SCHIP1: variants seen among roughly 807,000 people sequenced by gnomAD.
The protein encoded by SCHIP1 is schwannomin interacting protein 1.
A neutral mutation model predicts 29.7 loss-of-function variants in SCHIP1; 8 were observed. That is an observed-to-expected ratio of 0.27 (90% CI 0.16 to 0.49). The LOEUF is 0.49. Among genes scored for constraint, SCHIP1 ranks in the 20% least tolerant of loss-of-function variants. SCHIP1 has a pLI of 0.99. For synonymous variants in SCHIP1, 76 were observed against 94.9 expected (o/e 0.80, Z 1.16); for missense variants, 193 against 294.6 (o/e 0.66, Z 2.52).
At chr3:159,309,172 A>G in the SCHIP1 span, 1 of 234,894 alleles carries the variant, frequency 4.3e-6, no homozygotes, top group African/African-American at 2.3e-5. Flanking sequence ...TAATGGACAA[A>G]ATAACATAAA....
chr3:159,377,454 G>A, the SCHIP1 span, among the ~76,000 whole-genome samples: 19 of 152,272 alleles, frequency 1.2e-4, no homozygotes, highest in Admixed American at 9.8e-4. Context: ...CCTATGTCCC[G>A]CACGTGGAAA....
At chr3:159,513,885 G>A in the SCHIP1 span, among the ~76,000 whole-genome samples, 2 of 152,150 alleles carry the variant, frequency 1.3e-5, no homozygotes, top group Non-Finnish European at 2.9e-5. Flanking sequence ...CTTGCCACTA[G>A]TGCAATGTTC....
the SCHIP1 span, among the ~76,000 whole-genome samples, chr3:159,587,792 A>G: frequency 1.3e-5 from 2 of 152,210 alleles, no homozygotes; most frequent in Non-Finnish European, 2.9e-5. Flanking sequence ...TACAAAGGAC[A>G]TGAACTCATC....
chr3:159,514,718 CT>C, the SCHIP1 span, among the ~76,000 whole-genome samples: 1 of 152,198 alleles, frequency 6.6e-6, no homozygotes, highest in South Asian at 2.1e-4. Flanking sequence ...TAATTGGAAT[CT>C]CAACCCACTC....
the SCHIP1 span, among the ~76,000 whole-genome samples, chr3:159,636,418 G>T: frequency 8.5e-5 from 13 of 152,326 alleles, no homozygotes; most frequent in East Asian, 2.3e-3. Context: ...TGGTAACTCT[G>T]TTTTCTCTGC....
chr3:159,521,635 G>T, the SCHIP1 span, among the ~76,000 whole-genome samples: 9 of 152,200 alleles, frequency 5.9e-5, no homozygotes, highest in African/African-American at 1.9e-4. Context: ...TCCAAGTACT[G>T]CTTCTTCGCT....
At chr3:159,624,541 T>G in the SCHIP1 span, among the ~76,000 whole-genome samples, 1 of 151,946 alleles carries the variant, frequency 6.6e-6, no homozygotes, top group Non-Finnish European at 1.5e-5. Flanking sequence ...AGCTAGAAGA[T>G]GGAATAATAA....
At chr3:159,664,359 T>A in the SCHIP1 span, among the ~76,000 whole-genome samples, 2 of 152,186 alleles carry the variant, frequency 1.3e-5, no homozygotes, top group Non-Finnish European at 2.9e-5. Flanking sequence ...TATAGTCCCT[T>A]ATTCATTGCT....
At chr3:159,616,394 G>A in the SCHIP1 span, among the ~76,000 whole-genome samples, 35 of 152,204 alleles carry the variant, frequency 2.3e-4, no homozygotes, top group East Asian at 6.8e-3. Flanking sequence ...GAGCCACCAC[G>A]CCTGGCCACA....
the SCHIP1 span, among the ~76,000 whole-genome samples, chr3:159,423,757 C>T: frequency 6.6e-6 from 1 of 152,154 alleles, no homozygotes; most frequent in African/African-American, 2.4e-5. Context: ...ACTGCCTCCT[C>T]AAGTGGGTCC....
chr3:159,858,430 C>G (rs1347212253), intron 1 of SCHIP1, among the ~76,000 whole-genome samples: 1 of 152,138 alleles, frequency 6.6e-6, no homozygotes, highest in Admixed American at 6.5e-5. Context: ...AACTTTAACC[C>G]TAGGTGTTTG....
At chr3:159,490,396 C>A in the SCHIP1 span, among the ~76,000 whole-genome samples, 1 of 152,100 alleles carries the variant, frequency 6.6e-6, no homozygotes, top group African/African-American at 2.4e-5. Flanking sequence ...TTCAAATAAC[C>A]AGGTTCTGTG....
the SCHIP1 span, among the ~76,000 whole-genome samples, chr3:159,339,335 A>G: frequency 6.6e-6 from 1 of 151,542 alleles, no homozygotes; most frequent in African/African-American, 2.4e-5. Context: ...GATTTTTGCT[A>G]TTTTGGTAAA....
At chr3:159,643,479 T>C in the SCHIP1 span, among the ~76,000 whole-genome samples, 2 of 152,048 alleles carry the variant, frequency 1.3e-5, no homozygotes, top group East Asian at 3.9e-4. Flanking sequence ...AATACTCACA[T>C]GGCACAATCA....
chr3:159,394,674 C>A, the SCHIP1 span, among the ~76,000 whole-genome samples: 1 of 152,068 alleles, frequency 6.6e-6, no homozygotes, highest in African/African-American at 2.4e-5. Flanking sequence ...CCCACTTGAT[C>A]ATGGTGGATA....
chr3:159,693,265 T>C, the SCHIP1 span, among the ~76,000 whole-genome samples: 55 of 152,270 alleles, frequency 3.6e-4, no homozygotes, highest in African/African-American at 1.3e-3. Context: ...TTTAGTTTCA[T>C]TGATGCAGAA....
the SCHIP1 span, among the ~76,000 whole-genome samples, chr3:159,587,990 T>G: frequency 1.9e-3 from 289 of 152,218 alleles, no homozygotes; most frequent in Admixed American, 3.3e-3. Flanking sequence ...ACCCAGTAAT[T>G]GGATGGCTGG....
At chr3:159,626,398 C>CTATATCA in the SCHIP1 span, among the ~76,000 whole-genome samples, 1 of 151,512 alleles carries the variant, frequency 6.6e-6, no homozygotes, top group Non-Finnish European at 1.5e-5. Context: ...ACCTCAGGGG[C>CTATATCA]TATATCACTT....
At chr3:159,479,800 A>G in the SCHIP1 span, among the ~76,000 whole-genome samples, 18 of 152,158 alleles carry the variant, frequency 1.2e-4, 1 homozygote, top group Non-Finnish European at 2.5e-4. Context: ...AGTACTCCCA[A>G]TGGATTTGTT....
Sources: gnomAD v4.1 joint callset for allele counts (sites outside exome capture counted in the v4.1 genomes callset) on GRCh38, gnomAD v4.1.1 for gene constraint, MANE v1.5 for transcripts, NCBI Gene and HGNC (gene_info 2026-07-23, HGNC 2026-07-21) for gene names.